HLCS: variants seen among roughly 807,000 people sequenced by gnomAD.
The protein encoded by HLCS is holocarboxylase synthetase.
HLCS carries 53 observed loss-of-function variants against 75.0 expected under a neutral mutation model. That is an observed-to-expected ratio of 0.71 (90% CI 0.57 to 0.89). The LOEUF is 0.89. Among genes scored for constraint, HLCS ranks in the 40% least tolerant of loss-of-function variants. HLCS has a pLI of 0.00. For missense variants in HLCS, 966 were observed against 1,074.0 expected, an observed-to-expected ratio of 0.90 and a Z score of 1.41; for synonymous variants, 431 against 428.6, an observed-to-expected ratio of 1.01 and a Z score of -0.07.
intron 6 of HLCS, among the ~76,000 whole-genome samples, chr21:36,769,296 G>A (rs746895813): frequency 1.5e-4 from 23 of 152,306 alleles, no homozygotes; most frequent in Non-Finnish European, 2.9e-4. Context: ...GAGACAACTG[G>A]AGGCCGCCAG....
intron 1 of HLCS, chr21:36,975,209 T>C (rs1447012150): frequency 6.6e-6 from 1 of 152,180 alleles, no homozygotes; most frequent in Non-Finnish European, 1.5e-5. Flanking sequence ...TGTTCATGAC[T>C]TGTTCACCTT....
intron 6 of HLCS, among the ~76,000 whole-genome samples, chr21:36,869,828 C>A (rs2063709641): frequency 6.6e-6 from 1 of 152,008 alleles, no homozygotes; most frequent in Admixed American, 6.6e-5. Context: ...CAAATCCAAC[C>A]CCCCTACTTA....
chr21:36,880,468 G>C (rs996228529), intron 6 of HLCS, among the ~76,000 whole-genome samples: 13 of 151,794 alleles, frequency 8.6e-5, no homozygotes, highest in African/African-American at 2.9e-4. Flanking sequence ...TAAGTTTCTT[G>C]TATTACCTCA....
chr21:36,833,896 T>C (rs1467903921), intron 6 of HLCS, among the ~76,000 whole-genome samples: 1 of 152,194 alleles, frequency 6.6e-6, no homozygotes, highest in Admixed American at 6.5e-5. Context: ...GATTCTCCTT[T>C]ACACAACTGC....
intron 6 of HLCS, among the ~76,000 whole-genome samples, chr21:36,793,469 T>C (rs527500496): frequency 4.6e-5 from 7 of 152,018 alleles, no homozygotes; most frequent in African/African-American, 1.7e-4. Flanking sequence ...GCCCAAATAA[T>C]TTTTGTATTT....
chr21:36,770,110 A>T (rs1365223705), intron 6 of HLCS, among the ~76,000 whole-genome samples: 1 of 152,024 alleles, frequency 6.6e-6, no homozygotes, highest in Non-Finnish European at 1.5e-5. Context: ...TGGTATGTCA[A>T]ATTAAAAAGC....
chr21:36,863,786 A>G (rs2063463230), intron 6 of HLCS, among the ~76,000 whole-genome samples: 1 of 152,130 alleles, frequency 6.6e-6, no homozygotes, highest in African/African-American at 2.4e-5. Flanking sequence ...AAGACCCAAC[A>G]ATTCATCTCA....
At chr21:36,924,390 T>C (rs1305853751) in intron 5 of HLCS, among the ~76,000 whole-genome samples, 1 of 152,064 alleles carries the variant, frequency 6.6e-6, no homozygotes, top group Non-Finnish European at 1.5e-5. Context: ...TGAAACCCTG[T>C]CTCTACTAAA....
chr21:36,955,727 G>A lies in HLCS; in HGVS notation c.330+6309C>T, dbSNP rs1435234072. Among the ~76,000 whole-genome samples the A allele has an allele frequency of 2.0e-5, 3 of 152,184 alleles. No individual in the cohort carries two copies. In the South Asian group the frequency reaches 6.2e-4, roughly 32 times the overall value. Reference sequence around the variant, plus strand: ...CAGTGTTTATAAAGTCTAAAGTAGTGACTGTTGTGTCCTAGGCTTTCACAT... The same window carrying A: ...CAGTGTTTATAAAGTCTAAAGTAGTAACTGTTGTGTCCTAGGCTTTCACAT... On this transcript the variant is annotated intron_variant, in intron 2 of 10. Transcript: ENST00000674895.
At chr21:36,985,311 T>C (rs909599117) in intron 1 of HLCS, among the ~76,000 whole-genome samples, 2 of 152,262 alleles carry the variant, frequency 1.3e-5, no homozygotes, top group Non-Finnish European at 2.9e-5. Flanking sequence ...AATAGTTCCT[T>C]AGTCTTTCAT....
At chr21:36,948,074 G>A (rs879701746) in intron 2 of HLCS, 16 of 668,882 alleles carry the variant, frequency 2.4e-5, no homozygotes, top group East Asian at 2.8e-4. Flanking sequence ...GGTGGATCAC[G>A]AGGTCAGGAG....
intron 2 of HLCS, among the ~76,000 whole-genome samples, chr21:36,939,532 T>C (rs1601813554): frequency 6.6e-6 from 1 of 152,144 alleles, no homozygotes; most frequent in East Asian, 1.9e-4. Context: ...AAAACATGCT[T>C]CCCCTGGGGT....
intron 6 of HLCS, among the ~76,000 whole-genome samples, chr21:36,878,166 T>C (rs1163529440): frequency 6.6e-6 from 1 of 152,034 alleles, no homozygotes; most frequent in Non-Finnish European, 1.5e-5. Flanking sequence ...TTTTTTCAAA[T>C]TTTTTTTCCA....
intron 6 of HLCS, among the ~76,000 whole-genome samples, chr21:36,818,838 G>C (rs2061740430): frequency 6.6e-6 from 1 of 152,158 alleles, no homozygotes; most frequent in Admixed American, 6.5e-5. Context: ...ATTTACTGCA[G>C]CTATCCTTAC....
intron 6 of HLCS, among the ~76,000 whole-genome samples, chr21:36,887,926 T>C (rs760558764): frequency 2.0e-5 from 3 of 152,244 alleles, no homozygotes; most frequent in Non-Finnish European, 2.9e-5. Context: ...AAAAGCCATC[T>C]GGAAAGCTAA....
chr21:36,914,750 G>T (rs895352300), intron 5 of HLCS, among the ~76,000 whole-genome samples: 5 of 152,218 alleles, frequency 3.3e-5, no homozygotes, highest in African/African-American at 1.2e-4. Flanking sequence ...GGCTCTATGG[G>T]GCAGCTCAGC....
intron 6 of HLCS, among the ~76,000 whole-genome samples, chr21:36,862,686 G>A (rs2063419888): frequency 6.6e-6 from 1 of 152,188 alleles, no homozygotes; most frequent in South Asian, 2.1e-4. Flanking sequence ...GTAATGTGGT[G>A]TGGTCGCCTG....
At chr21:36,924,859 G>A (rs2066332485) in intron 5 of HLCS, among the ~76,000 whole-genome samples, 2 of 152,134 alleles carry the variant, frequency 1.3e-5, no homozygotes, top group Non-Finnish European at 2.9e-5. Context: ...CAACTGTGTG[G>A]TATGTATGAC....
At position 36,754,301 on chromosome 21, in the gene HLCS, G is replaced by A. The variant is rs1260631800; in HGVS notation, c.2567C>T (p.Pro856Leu). Residue 856 changes from proline to leucine, a missense_variant, in exon 11 of 11, where the codon CCG becomes CTG. By Grantham distance (98) the Pro-to-Leu change is moderately conservative. Coordinates refer to ENST00000674895, the MANE Select transcript of HLCS (RefSeq NM_001352514.2). ...CAGCATGTCGAAGGAGTTGCCGTCC[G>A]GGTGCACAGTCACAACCTCGCCGCC... The part of the protein sequence containing the change: ...QEGGEVVTVH[P>L]DGNSFDMLRN... 15 of 1,613,930 alleles carry A rather than the reference G, an allele frequency of 9.3e-6. No individual in the cohort carries two copies. The highest frequency in any genetic ancestry group is 8.0e-5 in the African/African-American group (6 of 74,914).
Sources: gnomAD v4.1 joint callset for allele counts (sites outside exome capture counted in the v4.1 genomes callset) on GRCh38, gnomAD v4.1.1 for gene constraint, MANE v1.5 for transcripts, NCBI Gene and HGNC (gene_info 2026-07-23, HGNC 2026-07-21) for gene names.